AP3M1: variants seen among roughly 807,000 people sequenced by gnomAD.
AP3M1 encodes AP-3 complex subunit mu-1.
AP3M1 carries 29 observed loss-of-function variants against 42.6 expected under a neutral mutation model. The ratio of observed to expected loss-of-function variants is 0.68; its 90% CI spans 0.51 to 0.93. The LOEUF is 0.93. AP3M1 is among the 40% of genes least tolerant of loss of function. AP3M1 has a pLI of 0.00. For synonymous variants in AP3M1, 178 were observed against 175.3 expected, an observed-to-expected ratio of 1.02 and a Z score of -0.12; for missense variants, 416 against 510.2, an observed-to-expected ratio of 0.82 and a Z score of 1.78.
At chr10:74,129,012 G>C (rs1591741970) in intron 6 of AP3M1, 96 bp downstream of exon 6, 1 of 1,466,580 alleles carries the variant, frequency 6.8e-7, no homozygotes, top group Non-Finnish European at 9.4e-7. Flanking sequence ...AGTGAGCAGT[G>C]ATGACCTCAA....
chr10:74,125,460 C>T (rs778764642), intron 7 of AP3M1, among the ~76,000 whole-genome samples: 2 of 152,378 alleles, frequency 1.3e-5, no homozygotes, highest in Admixed American at 6.5e-5. Context: ...AGCTCCCTTT[C>T]TCAGCCCTGT....
intron 4 of AP3M1, among the ~76,000 whole-genome samples, chr10:74,133,771 C>A (rs571228657): frequency 1.3e-5 from 2 of 151,550 alleles, no homozygotes; most frequent in African/African-American, 4.8e-5. Context: ...TTTCCTGCCT[C>A]AGCCTCCCGA....
At chr10:74,124,337 C>G (rs775673638) in intron 8 of AP3M1, 43 bp downstream of exon 8, 12 of 1,564,180 alleles carry the variant, frequency 7.7e-6, no homozygotes, top group Admixed American at 2.1e-5. Flanking sequence ...AATGAGCTTG[C>G]AAAACTCAAT....
At chr10:74,124,173 C>T (rs561886292) in intron 8 of AP3M1, among the ~76,000 whole-genome samples, 4 of 152,138 alleles carry the variant, frequency 2.6e-5, no homozygotes, top group African/African-American at 9.6e-5. Flanking sequence ...TAAATGAGGG[C>T]GGAGGTGAGG....
intron 1 of AP3M1, among the ~76,000 whole-genome samples, chr10:74,147,394 C>T (rs1056418746): frequency 1.1e-4 from 16 of 152,156 alleles, no homozygotes; most frequent in Admixed American, 2.0e-4. Context: ...CTTCTCACCA[C>T]CCTGCCAATC....
chr10:74,146,869 A>C (rs1418130312), intron 1 of AP3M1, among the ~76,000 whole-genome samples: 1 of 151,920 alleles, frequency 6.6e-6, no homozygotes, highest in Non-Finnish European at 1.5e-5. Context: ...GATGTGACTG[A>C]AGAGTCCTAA....
intron 6 of AP3M1, among the ~76,000 whole-genome samples, chr10:74,126,604 T>C (rs1840622205): frequency 6.6e-6 from 1 of 152,052 alleles, no homozygotes; most frequent in South Asian, 2.1e-4. Flanking sequence ...TCCCAGCACT[T>C]TGGGAGGCCG....
rs1840961647 is a variant in AP3M1, at chr10:74,136,774, T to C, written c.303A>G (p.Ala101=). 1 of 1,545,302 alleles carries C rather than the reference T, an allele frequency of 6.5e-7. No homozygotes were observed. Among genetic ancestry groups the C allele is most frequent in the African/African-American group, 1.4e-5 (1 of 73,876 alleles). Residue 101 remains alanine, a synonymous_variant, in exon 3 of 9, where the codon GCA becomes GCG. Transcript: ENST00000355264. ...QDYFGECSEA[A]IKDNVVIVYE... is the part of the protein sequence containing the mutation. ...ATACTATGACCACATTATCCTTAAT[T>C]GCAGCCTCTGAACACTCACCAAAGT...
At position 74,120,853 on chromosome 10, in the gene AP3M1, T is replaced by C. The variant is rs1371296139; in HGVS notation, c.*2957A>G. 1.3e-5 allele frequency: 2 copies of C among 152,066 alleles called. No homozygotes were observed. The highest frequency in any genetic ancestry group is 1.3e-4 in the Admixed American group (2 of 15,270). 9.4% of individuals were successfully genotyped at this position (152,066 alleles called of 1,614,324 possible). On this transcript the variant is annotated 3_prime_UTR_variant, in exon 9 of 9. Transcript: ENST00000355264. ...ATTTTTCATATTCCAAAGCCCAGTA[T>C]AGAATAAATAGGGTTTTCAGGGATC...
Position 74,129,967 on chromosome 10 carries a change from C to G in AP3M1, c.609G>C (p.Gln203His). ...GTTTAATGCAAGCATCAATGACCCC[C>G]TGAATTTCTGCAAAGACTGTAGATC... ...KSGSTVFAEI[Q>H]GVIDACIKLS... Residue 203 changes from glutamine to histidine, a missense_variant, in exon 5 of 9, where the codon CAG becomes CAC. Gln to His is a conservative substitution (Grantham distance 24). Coordinates refer to ENST00000355264, the MANE Select transcript of AP3M1 (RefSeq NM_012095.6). 1 of 1,611,742 alleles carries G rather than the reference C, an allele frequency of 6.2e-7. No individual in the cohort carries two copies. The highest frequency in any genetic ancestry group is 8.5e-7 in the Non-Finnish European group (1 of 1,179,302).
chr10:74,135,221 C>T (rs1840906712), intron 3 of AP3M1, among the ~76,000 whole-genome samples: 1 of 152,214 alleles, frequency 6.6e-6, no homozygotes, highest in African/African-American at 2.4e-5. Flanking sequence ...TCTCTAACTT[C>T]TCAAGTGAAA....
chr10:74,149,786 A>G (rs139406941), intron 1 of AP3M1, among the ~76,000 whole-genome samples: 13 of 152,120 alleles, frequency 8.5e-5, no homozygotes, highest in African/African-American at 2.7e-4. Flanking sequence ...CCCCAAATAG[A>G]TATCTTGTAT....
intron 1 of AP3M1, among the ~76,000 whole-genome samples, chr10:74,140,608 T>TA (rs201958645): frequency 0.013 from 1,928 of 146,350 alleles, 46 homozygotes; most frequent in African/African-American, 0.045. Context: ...ATATTTGAAT[T>TA]AAAAAAAAAA....
At chr10:74,136,185 G>A (rs1840935106) in intron 3 of AP3M1, among the ~76,000 whole-genome samples, 1 of 152,168 alleles carries the variant, frequency 6.6e-6, no homozygotes, top group African/African-American at 2.4e-5. Context: ...GGAGGAGATT[G>A]TAGTACTGTG....
rs1404726822 is a variant in AP3M1, at chr10:74,128,978, G to C, written c.803+130C>G. 13 of 1,069,862 alleles carry C rather than the reference G, an allele frequency of 1.2e-5. No individual in the cohort carries two copies. The East Asian group carries it at 3.1e-4, about 26-fold the overall frequency. The allele number at this position is 1,069,862 out of a possible 1,614,324, so 66.3% of individuals were successfully genotyped here. On this transcript the variant is annotated intron_variant, in intron 6 of 8. Coordinates refer to ENST00000355264, the MANE Select transcript of AP3M1 (RefSeq NM_012095.6). ...TGCGTATTTTCACCCGTTCTCACTG[G>C]GTCTCCTGGTGAGCTATGGTTAAAG... is the stretch of plus-strand genomic sequence containing the variant.
chr10:74,139,749 C>T (rs1841078895), intron 1 of AP3M1, among the ~76,000 whole-genome samples: 1 of 151,578 alleles, frequency 6.6e-6, no homozygotes, highest in South Asian at 2.1e-4. Flanking sequence ...AACCCCGTCC[C>T]TACTAAAATT....
intron 4 of AP3M1, 81 bp from the exon 5 acceptor site, chr10:74,130,073 T>C (rs1217575662): frequency 2.0e-6 from 2 of 994,944 alleles, no homozygotes; most frequent in South Asian, 2.8e-5. Flanking sequence ...CTTTTTATTT[T>C]TATTTATTGT....
In AP3M1 at chr10:74,125,455, C is replaced by G. The variant is rs1840586141; in HGVS notation, c.1011+693G>C. Among the ~76,000 whole-genome samples, 3 of 152,304 alleles carry G rather than the reference C, an allele frequency of 2.0e-5. No homozygotes were observed. The South Asian group carries it at 6.2e-4, about 32-fold the overall frequency. On this transcript the variant is annotated intron_variant, in intron 7 of 8. Coordinates refer to ENST00000355264, the MANE Select transcript of AP3M1 (RefSeq NM_012095.6). ...GTAAAGGGCCAGGAATCTGAAGCTC[C>G]CTTTCTCAGCCCTGTGTGGTCTCCA...
chr10:74,148,654 C>T (rs949423751), intron 1 of AP3M1, among the ~76,000 whole-genome samples: 3 of 151,992 alleles, frequency 2.0e-5, no homozygotes, highest in Non-Finnish European at 4.4e-5. Context: ...TCAAGTGATC[C>T]TTCTGCCTCA....
Sources: allele counts gnomAD v4.1 joint callset (sites outside exome capture counted in the v4.1 genomes callset), GRCh38; gene constraint gnomAD v4.1.1; transcripts MANE v1.5; gene names NCBI Gene and HGNC (gene_info 2026-07-23, HGNC 2026-07-21).